NELL1: variants seen among roughly 807,000 people sequenced by gnomAD.
NELL1 encodes protein kinase C-binding protein NELL1.
In NELL1, 76 loss-of-function variants were observed where a neutral mutation model predicts 107.4. The ratio of observed to expected loss-of-function variants is 0.71; its 90% CI spans 0.59 to 0.86. The LOEUF is 0.86. NELL1 is among the 40% of genes least tolerant of loss of function. The pLI is 0.00. For synonymous variants in NELL1, 353 were observed against 341.2 expected (o/e 1.03, Z -0.38); for missense variants, 1,024 against 1,005.5 (o/e 1.02, Z -0.25).
chr11:21,063,387 T>G (rs1853790224), intron 12 of NELL1, among the ~76,000 whole-genome samples: 1 of 152,118 alleles, frequency 6.6e-6, no homozygotes, highest in Non-Finnish European at 1.5e-5. Context: ...TCACTGACCA[T>G]TTAGTTGAAC....
At chr11:21,380,180 G>C (rs772244799) in intron 15 of NELL1, among the ~76,000 whole-genome samples, 1 of 151,996 alleles carries the variant, frequency 6.6e-6, no homozygotes, top group East Asian at 1.9e-4. Context: ...TATCATCAAC[G>C]TTGCTTCTTT....
rs558508146 is a variant in NELL1, at chr11:20,846,783, A to T, written c.336-800A>T. ...GGCAGTGAGATCAGGCCCAACGTTG[A>T]TGACAATGACACATTTCAGAAGAGA... On this transcript the variant is annotated intron_variant, in intron 3 of 19. Coordinates refer to ENST00000357134, the MANE Select transcript of NELL1 (RefSeq NM_006157.5). Among the ~76,000 whole-genome samples the T allele has an allele frequency of 2.0e-4, 30 of 152,330 alleles. No homozygotes were observed. The South Asian group carries it at 4.3e-3, about 22-fold the overall frequency.
At chr11:20,811,550 A>G (rs2134013631) in intron 3 of NELL1, among the ~76,000 whole-genome samples, 1 of 152,274 alleles carries the variant, frequency 6.6e-6, no homozygotes, top group South Asian at 2.1e-4. Context: ...ACATTTAAAC[A>G]ATATTAAGTC....
At chr11:20,764,942 A>G (rs1170242891) in intron 2 of NELL1, among the ~76,000 whole-genome samples, 1 of 152,154 alleles carries the variant, frequency 6.6e-6, no homozygotes, top group Admixed American at 6.5e-5. Flanking sequence ...CAGGAGGATC[A>G]CTTGAGGTCA....
At chr11:20,811,350 T>G (rs1345429921) in intron 3 of NELL1, among the ~76,000 whole-genome samples, 1 of 152,164 alleles carries the variant, frequency 6.6e-6, no homozygotes, top group Non-Finnish European at 1.5e-5. Flanking sequence ...TATCATATCT[T>G]TGTAGTATGT....
At chr11:20,673,233 T>C (rs760838776) in intron 1 of NELL1, among the ~76,000 whole-genome samples, 4 of 152,034 alleles carry the variant, frequency 2.6e-5, no homozygotes, top group Non-Finnish European at 4.4e-5. Context: ...ACTGTGAACA[T>C]GAGCCCCCAG....
chr11:20,720,309 G>C (rs962558415), intron 2 of NELL1, among the ~76,000 whole-genome samples: 1 of 151,266 alleles, frequency 6.6e-6, no homozygotes, highest in Non-Finnish European at 1.5e-5. Context: ...CAGGGTTCAA[G>C]CGATTCTCCT....
intron 15 of NELL1, among the ~76,000 whole-genome samples, chr11:21,440,356 T>G (rs1853249723): frequency 6.6e-6 from 1 of 152,154 alleles, no homozygotes; most frequent in Admixed American, 6.5e-5. Flanking sequence ...AAGGTGGACT[T>G]ACATCATAGC....
At chr11:21,375,606 A>G (rs1851456054) in intron 15 of NELL1, among the ~76,000 whole-genome samples, 1 of 152,092 alleles carries the variant, frequency 6.6e-6, no homozygotes. Flanking sequence ...AGTAGTTTTA[A>G]GTTCTTTGAG....
At chr11:21,254,228 G>A (rs1390428943) in intron 14 of NELL1, among the ~76,000 whole-genome samples, 1 of 152,042 alleles carries the variant, frequency 6.6e-6, no homozygotes, top group African/African-American at 2.4e-5. Flanking sequence ...AATAATAAAT[G>A]TGTCTCTGTG....
At position 21,330,932 on chromosome 11, in the gene NELL1, T is replaced by G. The variant is rs184012728; in HGVS notation, c.1550-39921T>G. Among the ~76,000 whole-genome samples, 954 of 152,250 alleles carry G rather than the reference T, an allele frequency of 6.3e-3. 7 individuals carry two copies. The highest frequency in any genetic ancestry group is 9.3e-3 in the Non-Finnish European group (634 of 68,010). ...TTCATTGCTTTTCTGTTGTTCAGAT[T>G]GCATAATCTTTATTCGTCTGTCTCC... On this transcript the variant is annotated intron_variant, in intron 14 of 19. Coordinates refer to ENST00000357134, the MANE Select transcript of NELL1 (RefSeq NM_006157.5).
At chr11:21,476,808 A>G (rs1278627785) in intron 15 of NELL1, among the ~76,000 whole-genome samples, 1 of 152,090 alleles carries the variant, frequency 6.6e-6, no homozygotes, top group Non-Finnish European at 1.5e-5. Context: ...GGAGAGCACA[A>G]TGATTGTGGG....
intron 12 of NELL1, among the ~76,000 whole-genome samples, chr11:21,087,127 C>A (rs898754097): frequency 6.6e-6 from 1 of 152,158 alleles, no homozygotes; most frequent in Non-Finnish European, 1.5e-5. Context: ...GCGTAAGGCG[C>A]CACTCCTGGC....
intron 12 of NELL1, among the ~76,000 whole-genome samples, chr11:21,085,256 A>G (rs1302414282): frequency 6.6e-6 from 1 of 152,232 alleles, no homozygotes; most frequent in African/African-American, 2.4e-5. Context: ...TAAAAAGTGA[A>G]TAAATGAACT....
rs78261296 is a variant in NELL1 at position 20,814,887 on chromosome 11, A to C, written c.335+31057A>C. ...TTGAGAAATCGCCAAACTGCTTTAC[A>C]CAGTGACTGAACTGATTTACATTCT... On this transcript the variant is annotated intron_variant, in intron 3 of 19. Transcript: ENST00000357134. 3.5e-3 allele frequency among the ~76,000 whole-genome samples: 538 copies of C among 152,362 alleles called. 2 individuals carry two copies. Among genetic ancestry groups the C allele is most frequent in the African/African-American group, 9.7e-3 (405 of 41,586 alleles).
intron 14 of NELL1, among the ~76,000 whole-genome samples, chr11:21,339,707 C>G (rs1351103201): frequency 1.3e-5 from 2 of 152,138 alleles, no homozygotes; most frequent in Non-Finnish European, 2.9e-5. Flanking sequence ...CTGCCATTCC[C>G]ACAATCAAAA....
At chr11:21,286,463 A>G (rs188849946) in intron 14 of NELL1, among the ~76,000 whole-genome samples, 128 of 152,296 alleles carry the variant, frequency 8.4e-4, no homozygotes, top group African/African-American at 3.0e-3. Flanking sequence ...GGCGGATTTT[A>G]GCCAGATGGC....
intron 5 of NELL1, among the ~76,000 whole-genome samples, chr11:20,910,692 A>T (rs1850109504): frequency 6.6e-6 from 1 of 152,220 alleles, no homozygotes; most frequent in African/African-American, 2.4e-5. Flanking sequence ...TTATTTGTTC[A>T]TCATTGGTCT....
At chr11:20,697,397 T>C (rs1854648914) in intron 2 of NELL1, among the ~76,000 whole-genome samples, 1 of 123,186 alleles carries the variant, frequency 8.1e-6, no homozygotes, top group African/African-American at 3.2e-5. Context: ...ATATGTTGCT[T>C]TTTTTTTTTT....
Sources: allele counts gnomAD v4.1 joint callset (sites outside exome capture counted in the v4.1 genomes callset), GRCh38; gene constraint gnomAD v4.1.1; transcripts MANE v1.5; gene names NCBI Gene and HGNC (gene_info 2026-07-23, HGNC 2026-07-21).